Variants in PTCHD4 observed in about 807,000 individuals in gnomAD.
PTCHD4 encodes patched domain-containing protein 4.
In PTCHD4, 33 loss-of-function variants were observed where a neutral mutation model predicts 58.1. That is an observed-to-expected ratio of 0.57 (90% confidence interval 0.43 to 0.76). The LOEUF (loss-of-function observed/expected upper bound fraction) is 0.76, where lower values mean the gene tolerates loss of function less well. PTCHD4 is among the 30% of genes least tolerant of loss of function. PTCHD4 has a pLI of 0.00. For synonymous variants in PTCHD4, 478 were observed against 409.6 expected (o/e 1.17, Z -2.02); for missense variants, 1,058 against 1,027.1 (o/e 1.03, Z -0.41).
chr6:47,918,201 T>A (rs1330373412), intron 4 of PTCHD4, among the ~76,000 whole-genome samples: 1 of 149,726 alleles, frequency 6.7e-6, no homozygotes, highest in Non-Finnish European at 1.5e-5. Flanking sequence ...CCACCCTTTT[T>A]GAATTTTCAT....
intron 1 of PTCHD4, among the ~76,000 whole-genome samples, chr6:48,071,227 C>T (rs959719850): frequency 6.6e-6 from 1 of 152,144 alleles, no homozygotes; most frequent in Admixed American, 6.5e-5. Flanking sequence ...TCCCACACTT[C>T]CTTCTTCAAT....
intron 4 of PTCHD4, among the ~76,000 whole-genome samples, chr6:47,943,611 C>G (rs911977601): frequency 6.6e-6 from 1 of 151,990 alleles, no homozygotes; most frequent in African/African-American, 2.4e-5. Context: ...CAGCCAAATC[C>G]CCCCTGCTGC....
At position 47,878,626 on chromosome 6, in the gene PTCHD4, T is replaced by C. The variant is rs113836634; in HGVS notation, c.2209A>G (p.Thr737Ala). The C allele has an allele frequency of 3.0e-4, 490 of 1,613,596 alleles. 2 individuals carry two copies. In the African/African-American group the frequency reaches 5.3e-3, roughly 17 times the overall value. ...ATACATTGTGTTCGGGTGTGCTCAGTTGCTAATACAAATGTGAAAAGCAGT... is the reference window on the plus strand; with the variant it reads ...ATACATTGTGTTCGGGTGTGCTCAGCTGCTAATACAAATGTGAAAAGCAGT... ...APLLFTFVLATEHTRTQCIKS... is the reference protein window; with the variant it reads ...APLLFTFVLAAEHTRTQCIKS... Residue 737 changes from threonine to alanine, a missense_variant, in exon 5 of 5, where the codon ACT (threonine) becomes GCT (alanine). Coordinates refer to ENST00000339488, the MANE Select transcript of PTCHD4 (RefSeq NM_001384253.1).
intron 4 of PTCHD4, among the ~76,000 whole-genome samples, chr6:47,982,481 C>T (rs1298938962): frequency 3.1e-5 from 4 of 130,786 alleles, no homozygotes; most frequent in South Asian, 2.4e-4. Flanking sequence ...TTATCTCTCT[C>T]TTTTTTTTTT....
rs191727316 is a variant in PTCHD4 at position 47,928,754 on chromosome 6, C to T, written c.899-48818G>A. Among the ~76,000 whole-genome samples, 88 of 152,146 alleles carry T rather than the reference C, an allele frequency of 5.8e-4. 1 individual carries two copies. The highest frequency in any genetic ancestry group is 1.9e-3 in the African/African-American group (78 of 41,496). On this transcript the variant is annotated intron_variant, in intron 4 of 4. Coordinates refer to ENST00000339488, the MANE Select transcript of PTCHD4 (RefSeq NM_001384253.1). ...ATTTTTGCCCACCCATTGTGAGTTC[C>T]GTGAGGATAAGAAACATGTCTTGAT...
At position 47,872,216 on chromosome 6, in the gene PTCHD4, G is replaced by A. The variant is rs1416073087; in HGVS notation, c.*6087C>T. On this transcript the variant is annotated 3_prime_UTR_variant, in exon 5 of 5. Coordinates refer to ENST00000339488, the MANE Select transcript of PTCHD4 (RefSeq NM_001384253.1). Reference sequence around the variant, plus strand: ...TGAGAATATAAGTTAAATTTATATAGCACTGAAAAGTTATACATTTTTATT... The same window carrying A: ...TGAGAATATAAGTTAAATTTATATAACACTGAAAAGTTATACATTTTTATT... Among the ~76,000 whole-genome samples the A allele has an allele frequency of 1.3e-5, 2 of 151,610 alleles. No individual in the cohort carries two copies. Among genetic ancestry groups the A allele is most frequent in the East Asian group, 3.9e-4 (2 of 5,156 alleles).
rs1303620102 is a variant in PTCHD4 at position 47,864,902 on chromosome 6, A to G, written c.*13401T>C. Among the ~76,000 whole-genome samples the G allele has an allele frequency of 6.6e-6, 1 of 151,888 alleles. No individual in the cohort carries two copies. The highest frequency in any genetic ancestry group is 1.5e-5 in the Non-Finnish European group (1 of 67,892). On this transcript the variant is annotated 3_prime_UTR_variant, in exon 5 of 5. Transcript: ENST00000339488. ...ATATCCATCTTTGTCCAGTGCTGAC[A>G]TAACATTGCAATACTACATCTTTAT...
intron 3 of PTCHD4, among the ~76,000 whole-genome samples, chr6:48,023,730 T>C (rs931927143): frequency 1.3e-5 from 2 of 152,122 alleles, no homozygotes; most frequent in Admixed American, 6.6e-5. Context: ...GCAATCAATA[T>C]TTTTTCTTCA....
At chr6:47,891,240 A>G (rs1271277436) in intron 4 of PTCHD4, among the ~76,000 whole-genome samples, 3 of 142,710 alleles carry the variant, frequency 2.1e-5, no homozygotes, top group Admixed American at 1.5e-4. Context: ...AAAAAAAAAA[A>G]AAAGATTGAG....
In PTCHD4 at chr6:47,870,423, A is replaced by C. The variant is rs1213913999; in HGVS notation, c.*7880T>G. On this transcript the variant is annotated 3_prime_UTR_variant, in exon 5 of 5. Coordinates refer to ENST00000339488, the MANE Select transcript of PTCHD4 (RefSeq NM_001384253.1). ...ACTGAGGTATGAGATTCATTTAATT[A>C]TTAAATGTGTGTTTACACATGCAAA... is the stretch of plus-strand genomic sequence containing the variant. Among the ~76,000 whole-genome samples, 1 of 151,710 alleles carries C rather than the reference A, an allele frequency of 6.6e-6. No homozygotes were observed. Among genetic ancestry groups the C allele is most frequent in the East Asian group, 1.9e-4 (1 of 5,156 alleles).
chr6:47,996,642 T>A (rs982933879), intron 4 of PTCHD4, among the ~76,000 whole-genome samples: 4 of 152,192 alleles, frequency 2.6e-5, no homozygotes, highest in Non-Finnish European at 5.9e-5. Flanking sequence ...ACTACTTTCT[T>A]ATTTAATAGA....
At position 47,876,242 on chromosome 6, in the gene PTCHD4, T is replaced by A. The variant is rs774480734; in HGVS notation, c.*2061A>T. Reference sequence around the variant, plus strand: ...GCTAGGAGTATTTGTGACATGACTTTACAAATAATGTAAAAACAATAACCC... The same window carrying A: ...GCTAGGAGTATTTGTGACATGACTTAACAAATAATGTAAAAACAATAACCC... On this transcript the variant is annotated 3_prime_UTR_variant, in exon 5 of 5. Coordinates refer to ENST00000339488, the MANE Select transcript of PTCHD4 (RefSeq NM_001384253.1). 2.6e-5 allele frequency among the ~76,000 whole-genome samples: 4 copies of A among 151,848 alleles called. No homozygotes were observed. Among genetic ancestry groups the A allele is most frequent in the African/African-American group, 4.8e-5 (2 of 41,376 alleles).
At chr6:47,918,787 G>A (rs957363476) in intron 4 of PTCHD4, among the ~76,000 whole-genome samples, 1 of 152,024 alleles carries the variant, frequency 6.6e-6, no homozygotes, top group South Asian at 2.1e-4. Context: ...ATGTTAAAAT[G>A]GTTACATAGA....
At chr6:48,108,743 TGAAAATAATTCCAA>T (rs1182675973) in intron 1 of PTCHD4, among the ~76,000 whole-genome samples, 8 of 152,028 alleles carry the variant, frequency 5.3e-5, no homozygotes, top group African/African-American at 1.9e-4. Flanking sequence ...TTAGAGATGT[TGAAAATAATTCCAA>T]GAATATAGAG....
intron 3 of PTCHD4, among the ~76,000 whole-genome samples, chr6:48,032,687 C>G (rs1763492815): frequency 6.6e-6 from 1 of 152,204 alleles, no homozygotes; most frequent in African/African-American, 2.4e-5. Context: ...TACAGTATTT[C>G]TGAGGAAACT....
intron 1 of PTCHD4, among the ~76,000 whole-genome samples, chr6:48,088,976 C>T (rs1010013515): frequency 2.0e-5 from 3 of 151,994 alleles, no homozygotes; most frequent in African/African-American, 4.8e-5. Context: ...ACCCAGGAGG[C>T]GGAGGTTGCA....
At chr6:48,062,864 A>T (rs184083614) in intron 3 of PTCHD4, among the ~76,000 whole-genome samples, 12 of 152,264 alleles carry the variant, frequency 7.9e-5, no homozygotes, top group Admixed American at 7.2e-4. Flanking sequence ...ATAGACTTTC[A>T]TTGGCTGACA....
At chr6:47,959,857 T>G (rs975680849) in intron 4 of PTCHD4, among the ~76,000 whole-genome samples, 1 of 145,456 alleles carries the variant, frequency 6.9e-6, no homozygotes, top group Non-Finnish European at 1.5e-5. Context: ...TTAAAAGGAG[T>G]CTTCCAAATA....
chr6:47,969,631 C>A (rs190838618), intron 4 of PTCHD4, among the ~76,000 whole-genome samples: 315 of 152,126 alleles, frequency 2.1e-3, no homozygotes, highest in South Asian at 4.6e-3. Flanking sequence ...TGACCCCCCC[C>A]AAAAAATAAA....
Sources: allele counts gnomAD v4.1 joint callset (sites outside exome capture counted in the v4.1 genomes callset), GRCh38; gene constraint gnomAD v4.1.1; transcripts MANE v1.5; gene names NCBI Gene and HGNC (gene_info 2026-07-23, HGNC 2026-07-21).